The following FLVCR2 variants were observed in gnomAD, a reference collection of about 807,000 sequenced individuals.
FLVCR2 encodes the protein choline/ethanolamine transporter FLVCR2.
Under a neutral mutation model 48.9 loss-of-function variants are expected in FLVCR2, and 38 were observed. The observed-to-expected ratio is 0.78, with a 90% confidence interval of 0.60 to 1.02. The LOEUF (loss-of-function observed/expected upper bound fraction) is 1.02. Among genes scored for constraint, FLVCR2 ranks in the 50% least tolerant of loss-of-function variants. The pLI, the probability that FLVCR2 is intolerant of heterozygous loss-of-function variation, is 0.00. For missense variants in FLVCR2, 664 were observed against 663.3 expected, an observed-to-expected ratio of 1.00 and a Z score of -0.01; for synonymous variants, 255 against 257.0, an observed-to-expected ratio of 0.99 and a Z score of 0.07.
At chr14:75,581,962 C>T (rs1277513377) in intron 1 of FLVCR2, among the ~76,000 whole-genome samples, 2 of 152,138 alleles carry the variant, frequency 1.3e-5, no homozygotes, top group Admixed American at 6.5e-5. Flanking sequence ...GAGATATTTT[C>T]CTTGGTCCAA....
intron 1 of FLVCR2, among the ~76,000 whole-genome samples, chr14:75,618,930 T>G (rs7146128): frequency 0.63 from 95,422 of 150,462 alleles, 31,769 homozygotes; most frequent in Non-Finnish European, 0.73. Context: ...TGTTACAAAG[T>G]TATTGGCGAT....
chr14:75,597,107 C>T (rs1039051162), intron 1 of FLVCR2, among the ~76,000 whole-genome samples: 3 of 151,584 alleles, frequency 2.0e-5, no homozygotes, highest in African/African-American at 7.3e-5. Flanking sequence ...CATAGTGAGA[C>T]CCTGTCTCCA....
At chr14:75,632,565 C>T in intron 3 of FLVCR2, 1 of 699,622 alleles carries the variant, frequency 1.4e-6, no homozygotes, top group African/African-American at 1.7e-5. Context: ...TAGCCATCAT[C>T]TGAAAGACAG....
chr14:75,602,594 C>G (rs1333851916), intron 1 of FLVCR2, among the ~76,000 whole-genome samples: 2 of 152,026 alleles, frequency 1.3e-5, no homozygotes, highest in Non-Finnish European at 2.9e-5. Context: ...AGGACAAAGA[C>G]CAAATAATAT....
At chr14:75,609,698 G>GA (rs1363360296) in intron 1 of FLVCR2, among the ~76,000 whole-genome samples, 2 of 152,126 alleles carry the variant, frequency 1.3e-5, no homozygotes, top group East Asian at 1.9e-4. Flanking sequence ...TTTTACCCCT[G>GA]AAAAAATCAG....
chr14:75,631,987 G>T (rs537575873), intron 3 of FLVCR2, among the ~76,000 whole-genome samples: 1 of 152,258 alleles, frequency 6.6e-6, no homozygotes, highest in East Asian at 1.9e-4. Context: ...TGTGTGCACA[G>T]TTGGCCCACT....
At chr14:75,639,507 G>A (rs1302784121) in intron 6 of FLVCR2, 45 bp downstream of exon 6, 1 of 1,319,836 alleles carries the variant, frequency 7.6e-7, no homozygotes, top group Admixed American at 1.7e-5. Flanking sequence ...ACCATGCCAT[G>A]GCTCCCAGAG....
rs193048889 is a variant in FLVCR2 at position 75,615,263 on chromosome 14, T to C, written c.670-6816T>C. Among the ~76,000 whole-genome samples, 968 of 151,752 alleles carry C rather than the reference T, an allele frequency of 6.4e-3. 4 individuals are homozygous for C. The highest frequency in any genetic ancestry group is 9.9e-3 in the Non-Finnish European group (672 of 67,876). On this transcript the variant is annotated intron_variant, in intron 1 of 9. Transcript: ENST00000238667. ...ATTCAAAGAGGACTTTGCAGAAGGGTTTGGGAGGATCTGAGACGAAGTGCA... is the reference window on the plus strand; with the variant it reads ...ATTCAAAGAGGACTTTGCAGAAGGGCTTGGGAGGATCTGAGACGAAGTGCA...
At chr14:75,589,552 T>G (rs1888833423) in intron 1 of FLVCR2, among the ~76,000 whole-genome samples, 1 of 152,142 alleles carries the variant, frequency 6.6e-6, no homozygotes, top group South Asian at 2.1e-4. Context: ...CTCAGGCCAG[T>G]GTTGCACACT....
rs201465626 is a variant in FLVCR2 at position 75,579,152 on chromosome 14, A to T, written c.180A>T (p.Gln60His). 6.2e-7 allele frequency: 1 copy of T among 1,613,710 alleles called. No homozygotes were observed. The highest frequency in any genetic ancestry group is 1.3e-5 in the African/African-American group (1 of 74,842). ...SSSAHPSALA[Q>H]PSGLAHPSSS... is the part of the protein sequence containing the mutation. ...CGGCCCACCCCAGTGCCTTAGCCCA[A>T]CCCAGTGGCTTGGCTCACCCCAGTA... is the stretch of plus-strand genomic sequence containing the variant. Residue 60 changes from glutamine to histidine, a missense_variant, in exon 1 of 10, where the codon CAA becomes CAT. Coordinates refer to ENST00000238667, the MANE Select transcript of FLVCR2 (RefSeq NM_017791.3).
intron 3 of FLVCR2, 152 bp downstream of exon 3, chr14:75,624,904 G>C: frequency 1.1e-6 from 1 of 877,092 alleles, no homozygotes; most frequent in Non-Finnish European, 1.8e-6. Flanking sequence ...ATGCCCAAGG[G>C]CCTTTGCATG....
chr14:75,621,258 A>G (rs1469308525), intron 1 of FLVCR2, among the ~76,000 whole-genome samples: 4 of 152,114 alleles, frequency 2.6e-5, no homozygotes, highest in Non-Finnish European at 5.9e-5. Flanking sequence ...TAAAAATACA[A>G]AAATTAGCCA....
At chr14:75,605,370 TC>T (rs1351296717) in intron 1 of FLVCR2, 20 of 1,161,284 alleles carry the variant, frequency 1.7e-5, no homozygotes, top group Middle Eastern at 2.5e-4. Flanking sequence ...ATATCTCCCC[TC>T]CCTTGATTCT....
At chr14:75,581,419 A>C (rs79853273) in intron 1 of FLVCR2, among the ~76,000 whole-genome samples, 10,911 of 152,152 alleles carry the variant, frequency 0.072, 897 homozygotes, top group East Asian at 0.23. Context: ...GTGTGTTTTT[A>C]AAAGACCGTT....
intron 1 of FLVCR2, chr14:75,596,011 C>A: frequency 6.8e-7 from 1 of 1,473,130 alleles, no homozygotes; most frequent in South Asian, 1.1e-5. Flanking sequence ...GTCTTGCCAC[C>A]ACCAAAATGA....
At chr14:75,604,562 T>TA (rs11306197) in intron 1 of FLVCR2, among the ~76,000 whole-genome samples, 32 of 146,604 alleles carry the variant, frequency 2.2e-4, no homozygotes, top group Non-Finnish European at 2.4e-4. Flanking sequence ...TGTCTCTACC[T>TA]AAAAAAAAAA....
At chr14:75,589,958 G>A (rs1225204016) in intron 1 of FLVCR2, among the ~76,000 whole-genome samples, 2 of 152,206 alleles carry the variant, frequency 1.3e-5, no homozygotes, top group Non-Finnish European at 2.9e-5. Context: ...AAACCTTGCT[G>A]TCTTAGTCGA....
chr14:75,644,456 A>G (rs1263540375), intron 9 of FLVCR2, among the ~76,000 whole-genome samples: 1 of 152,190 alleles, frequency 6.6e-6, no homozygotes, highest in Non-Finnish European at 1.5e-5. Flanking sequence ...TACATGGACC[A>G]GGTTTGTTAA....
chr14:75,594,201 G>A (rs1422622690), intron 1 of FLVCR2, among the ~76,000 whole-genome samples: 1 of 149,858 alleles, frequency 6.7e-6, no homozygotes, highest in Non-Finnish European at 1.5e-5. Context: ...GGTCTTTACT[G>A]TCTATAACTG....
Sources: gnomAD v4.1 joint callset for allele counts (sites outside exome capture counted in the v4.1 genomes callset) on GRCh38, gnomAD v4.1.1 for gene constraint, MANE v1.5 for transcripts, NCBI Gene and HGNC (gene_info 2026-07-23, HGNC 2026-07-21) for gene names.